The following PCDH11X variants were observed in gnomAD, a reference collection of about 807,000 sequenced individuals.
PCDH11X encodes protocadherin 11 X-linked, also known as protocadherin-11 X-linked.
A neutral mutation model predicts 53.3 loss-of-function variants in PCDH11X; 18 were observed. The ratio of observed to expected loss-of-function variants is 0.34; its 90% CI spans 0.23 to 0.50. The LOEUF (loss-of-function observed/expected upper bound fraction) is 0.50. Ranked by LOEUF, PCDH11X falls within the 20% of genes least tolerant of loss-of-function variation. PCDH11X has a pLI of 0.98. For synonymous variants in PCDH11X, 279 were observed against 393.3 expected, an observed-to-expected ratio of 0.71 and a Z score of 3.44; for missense variants, 570 against 1,032.4, an observed-to-expected ratio of 0.55 and a Z score of 6.14.
At chrX:92,552,168 A>G (rs2074970425) in intron 10 of PCDH11X, among the ~76,000 whole-genome samples, 1 of 89,361 alleles carries the variant, frequency 1.1e-5, no homozygotes, top group African/African-American at 3.9e-5. Context: ...TATTAATTTT[A>G]CCATTTCATG....
chrX:91,904,387 C>G (rs2147789436), intron 6 of PCDH11X, among the ~76,000 whole-genome samples: 1 of 109,372 alleles, frequency 9.1e-6, no homozygotes, highest in African/African-American at 3.3e-5. Flanking sequence ...GTGGAAGCAT[C>G]CAACTATGAT....
At chrX:92,029,536 T>C (rs1203421546) in intron 6 of PCDH11X, among the ~76,000 whole-genome samples, 3 of 111,572 alleles carry the variant, frequency 2.7e-5, no homozygotes, top group Non-Finnish European at 5.6e-5. Context: ...ATTAAGATTC[T>C]TTTGTCAAAA....
Position 92,405,846 on chromosome X carries a change from G to A in PCDH11X, c.3343+17913G>A, listed in dbSNP as rs1283752891. Among the ~76,000 whole-genome samples the A allele has an allele frequency of 3.6e-5, 4 of 111,178 alleles. No individual in the cohort carries two copies. In the East Asian group the frequency reaches 1.1e-3, roughly 32 times the overall value. ...GCAGTGGCTCACGCCTGTAATCCCAGCACTTTGGGAGGCCGAGGTGGGTGG... is the reference window on the plus strand; with the variant it reads ...GCAGTGGCTCACGCCTGTAATCCCAACACTTTGGGAGGCCGAGGTGGGTGG... On this transcript the variant is annotated intron_variant, in intron 9 of 10. Transcript: ENST00000682573.
intron 6 of PCDH11X, among the ~76,000 whole-genome samples, chrX:92,069,613 T>A (rs1277905828): frequency 2.7e-5 from 3 of 111,666 alleles, no homozygotes; most frequent in Non-Finnish European, 3.8e-5. Context: ...TCTTGCTTTT[T>A]AGTTTTTGGG....
At chrX:91,846,635 A>C (rs1937686101) in intron 5 of PCDH11X, among the ~76,000 whole-genome samples, 1 of 110,868 alleles carries the variant, frequency 9.0e-6, no homozygotes, top group Admixed American at 9.6e-5. Context: ...AAAAAAAGAA[A>C]AAAGTTATTT....
chrX:92,472,752 G>A (rs1372252238), intron 10 of PCDH11X, among the ~76,000 whole-genome samples: 1 of 111,342 alleles, frequency 9.0e-6, no homozygotes, highest in African/African-American at 3.3e-5. Flanking sequence ...TTCTATCCAT[G>A]AGCATAAAAT....
chrX:92,608,974 T>C (rs1325022582), intron 10 of PCDH11X, among the ~76,000 whole-genome samples: 1 of 111,334 alleles, frequency 9.0e-6, no homozygotes, highest in African/African-American at 3.3e-5. Flanking sequence ...ATTTCCAGAA[T>C]GTTATATAAT....
intron 6 of PCDH11X, among the ~76,000 whole-genome samples, chrX:92,053,665 G>A: frequency 9.3e-6 from 1 of 107,803 alleles, no homozygotes; most frequent in Non-Finnish European, 1.9e-5. Context: ...CTGCCGCCCG[G>A]GTTCAAGCGA....
intron 10 of PCDH11X, among the ~76,000 whole-genome samples, chrX:92,567,697 C>T (rs1038840408): frequency 9.1e-6 from 1 of 110,072 alleles, no homozygotes; most frequent in African/African-American, 3.3e-5. Flanking sequence ...ACAGCCTTGT[C>T]TTGTGCTGGT....
At chrX:92,030,028 T>C (rs1372741242) in intron 6 of PCDH11X, among the ~76,000 whole-genome samples, 2 of 112,161 alleles carry the variant, frequency 1.8e-5, no homozygotes, top group Non-Finnish European at 3.8e-5. Context: ...AGTGGCACGA[T>C]CTCGGCTCAC....
intron 4 of PCDH11X, among the ~76,000 whole-genome samples, chrX:91,822,583 G>A (rs1352659746): frequency 5.7e-5 from 6 of 104,609 alleles, no homozygotes; most frequent in African/African-American, 2.1e-4. Flanking sequence ...TATTAGTCTT[G>A]CTAGCAGTCT....
Position 91,982,649 on chromosome X carries a change from C to T in PCDH11X, c.3033+103376C>T, listed in dbSNP as rs923631157. The T allele has an allele frequency of 5.7e-5, 65 of 1,141,672 alleles. No homozygotes were observed. In the African/African-American group the frequency reaches 8.6e-4, roughly 15 times the overall value. The allele number at this position is 1,141,672 out of a possible 1,213,427, so 94.1% of individuals were successfully genotyped here. ...TAAAATTAAACAATTGTAGAGTATT[C>T]ATTTATGCTTGAAATTCCAGTCCTA... On this transcript the variant is annotated intron_variant, in intron 6 of 10. Coordinates refer to ENST00000682573, the MANE Select transcript of PCDH11X (RefSeq NM_032968.5).
At chrX:92,265,893 C>T (rs1174740588) in intron 8 of PCDH11X, among the ~76,000 whole-genome samples, 2 of 111,859 alleles carry the variant, frequency 1.8e-5, no homozygotes, top group Middle Eastern at 4.7e-3. Context: ...ATATATTTAA[C>T]GTTATAAAGG....
intron 4 of PCDH11X, among the ~76,000 whole-genome samples, chrX:91,834,175 G>T (rs1937212804): frequency 9.0e-6 from 1 of 110,815 alleles, no homozygotes; most frequent in African/African-American, 3.3e-5. Flanking sequence ...AAGCACATTA[G>T]AATGTTTAAT....
chrX:92,415,106 C>A (rs1246636917), intron 9 of PCDH11X, among the ~76,000 whole-genome samples: 1 of 111,232 alleles, frequency 9.0e-6, no homozygotes, highest in Non-Finnish European at 1.9e-5. Context: ...CTTTCCTAGA[C>A]AATTTCACCT....
At chrX:92,022,352 A>G (rs2062899108) in intron 6 of PCDH11X, among the ~76,000 whole-genome samples, 1 of 108,818 alleles carries the variant, frequency 9.2e-6, no homozygotes, top group Non-Finnish European at 1.9e-5. Flanking sequence ...GAAAGCAACA[A>G]CAACAACAAA....
chrX:92,270,842 G>T (rs73532130), intron 8 of PCDH11X, among the ~76,000 whole-genome samples: 7,885 of 111,767 alleles, frequency 0.071, 482 homozygotes, highest in East Asian at 0.28. Context: ...AAGAAAGTCA[G>T]TTTCTTGCAT....
chrX:92,076,612 G>A (rs746708055), intron 6 of PCDH11X, among the ~76,000 whole-genome samples: 9 of 111,593 alleles, frequency 8.1e-5, no homozygotes, highest in African/African-American at 2.6e-4. Flanking sequence ...CATAGCTTTT[G>A]TGGGACTGAG....
At chrX:92,423,325 G>C (rs887840394) in intron 9 of PCDH11X, among the ~76,000 whole-genome samples, 2 of 97,009 alleles carry the variant, frequency 2.1e-5, no homozygotes, top group Non-Finnish European at 4.5e-5. Context: ...TGATAGGATT[G>C]TTTTTGTTTT....
Sources: gnomAD v4.1 joint callset for allele counts (sites outside exome capture counted in the v4.1 genomes callset) on GRCh38, gnomAD v4.1.1 for gene constraint, MANE v1.5 for transcripts, NCBI Gene and HGNC (gene_info 2026-07-23, HGNC 2026-07-21) for gene names.